Variants in COP1 observed in about 807,000 individuals in gnomAD.
COP1 encodes the protein E3 ubiquitin-protein ligase COP1.
In COP1, 24 loss-of-function variants were observed where a neutral mutation model predicts 101.3. The observed-to-expected ratio is 0.24, with a 90% CI of 0.17 to 0.33. The LOEUF is 0.33. COP1 is among the 10% of genes least tolerant of loss of function. The pLI, the probability that COP1 is intolerant of heterozygous loss-of-function variation, is 1.00. For synonymous variants in COP1, 347 were observed against 341.9 expected (o/e 1.01, Z -0.17); for missense variants, 663 against 906.2 (o/e 0.73, Z 3.45).
intron 15 of COP1, among the ~76,000 whole-genome samples, chr1:175,992,416 C>G (rs189037811): frequency 6.6e-6 from 1 of 152,282 alleles, no homozygotes; most frequent in Non-Finnish European, 1.5e-5. Flanking sequence ...GTGCAGCGCA[C>G]CGTGCGCGAG....
intron 1 of COP1, among the ~76,000 whole-genome samples, chr1:176,188,856 CACAG>C (rs1318253981): frequency 6.6e-6 from 1 of 151,698 alleles, no homozygotes; most frequent in African/African-American, 2.4e-5. Flanking sequence ...CACACACACA[CACAG>C]ACAGAGAACA....
intron 11 of COP1, among the ~76,000 whole-genome samples, chr1:176,051,909 T>C (rs1672637290): frequency 6.6e-6 from 1 of 151,834 alleles, no homozygotes. Context: ...TGCAAAAAAA[T>C]CACAAAGTCA....
At chr1:176,040,833 T>A (rs1289318655) in intron 14 of COP1, among the ~76,000 whole-genome samples, 1 of 152,160 alleles carries the variant, frequency 6.6e-6, no homozygotes, top group East Asian at 1.9e-4. Context: ...GCTAGAGCTA[T>A]CCTTGCCTAT....
chr1:176,053,241 CAA>C (rs1672881975), intron 11 of COP1, among the ~76,000 whole-genome samples: 5 of 152,138 alleles, frequency 3.3e-5, no homozygotes, highest in Admixed American at 3.3e-4. Context: ...ACTGCTTCCT[CAA>C]AGTCTTCCCA....
At chr1:176,006,663 G>T (rs1663314565) in intron 15 of COP1, among the ~76,000 whole-genome samples, 2 of 152,172 alleles carry the variant, frequency 1.3e-5, no homozygotes, top group South Asian at 2.1e-4. Context: ...CTTTAAGAAT[G>T]TTGAATATTG....
chr1:176,069,622 C>A (rs1676618848), intron 11 of COP1, among the ~76,000 whole-genome samples: 1 of 152,164 alleles, frequency 6.6e-6, no homozygotes, highest in Non-Finnish European at 1.5e-5. Flanking sequence ...TCCCTGACCA[C>A]CATCCCCAGA....
At chr1:176,050,764 C>T (rs567359159) in intron 11 of COP1, among the ~76,000 whole-genome samples, 2 of 152,296 alleles carry the variant, frequency 1.3e-5, no homozygotes, top group Non-Finnish European at 2.9e-5. Flanking sequence ...AACCACCTTA[C>T]ATAAATTATA....
Position 176,163,905 on chromosome 1 carries a change from CA to C in COP1, c.566-15del. The C allele has an allele frequency of 1.3e-6, 2 of 1,549,424 alleles. No homozygotes were observed. Among genetic ancestry groups the C allele is most frequent in the Non-Finnish European group, 1.8e-6 (2 of 1,133,974 alleles). On this transcript the variant is annotated splice_polypyrimidine_tract_variant and intron_variant, in intron 3 of 19. Coordinates refer to ENST00000367669, the MANE Select transcript of COP1 (RefSeq NM_022457.7). Reference sequence around the variant, plus strand: ...TGAGTTCATTCACTGAAAACAGAAACAAAATAAAAAGCACACATAATTTGTA... The same window carrying C: ...TGAGTTCATTCACTGAAAACAGAAACAAATAAAAAGCACACATAATTTGTA...
intron 15 of COP1, among the ~76,000 whole-genome samples, chr1:176,024,304 A>C (rs192247988): frequency 4.6e-5 from 7 of 152,310 alleles, no homozygotes; most frequent in Admixed American, 4.6e-4. Context: ...TTACTAACAC[A>C]GACACAAAAG....
At chr1:176,113,185 C>T (rs567466574) in intron 9 of COP1, among the ~76,000 whole-genome samples, 167 of 152,302 alleles carry the variant, frequency 1.1e-3, no homozygotes, top group Middle Eastern at 3.4e-3. Flanking sequence ...GGCATTCACT[C>T]TTTCTCCACG....
intron 11 of COP1, among the ~76,000 whole-genome samples, chr1:176,058,127 AGGTGGGGT>A (rs1466755654): frequency 5.0e-3 from 62 of 12,402 alleles, no homozygotes; most frequent in African/African-American, 7.1e-3. Context: ...GTCGGGAGGG[AGGTGGGGT>A]GGGGGGGGGG....
At chr1:176,192,538 C>G (rs1283576692) in intron 1 of COP1, among the ~76,000 whole-genome samples, 1 of 152,140 alleles carries the variant, frequency 6.6e-6, no homozygotes, top group Non-Finnish European at 1.5e-5. Flanking sequence ...ATTTTATTTC[C>G]AATTCCTAAA....
chr1:176,029,616 G>A (rs1408794345), intron 14 of COP1, among the ~76,000 whole-genome samples: 5 of 152,098 alleles, frequency 3.3e-5, no homozygotes, highest in Non-Finnish European at 7.4e-5. Flanking sequence ...AGAGGGTCCA[G>A]GTACTGTTGT....
chr1:176,108,349 T>C (rs1684691399), intron 9 of COP1, among the ~76,000 whole-genome samples: 2 of 152,206 alleles, frequency 1.3e-5, no homozygotes, highest in Non-Finnish European at 2.9e-5. Flanking sequence ...TCTGTAACTA[T>C]TCTATTATGG....
intron 9 of COP1, among the ~76,000 whole-genome samples, chr1:176,107,289 G>A (rs915204988): frequency 1.3e-5 from 2 of 151,958 alleles, no homozygotes; most frequent in African/African-American, 4.8e-5. Flanking sequence ...AGAACAATGA[G>A]CATACTTAAG....
chr1:176,129,163 T>A (rs1214156506), intron 8 of COP1, among the ~76,000 whole-genome samples: 1 of 151,898 alleles, frequency 6.6e-6, no homozygotes, highest in East Asian at 1.9e-4. Context: ...TAGATCACTA[T>A]CCTACATATA....
intron 11 of COP1, among the ~76,000 whole-genome samples, chr1:176,066,785 AAAAC>A (rs1317132879): frequency 6.6e-6 from 1 of 152,206 alleles, no homozygotes; most frequent in Non-Finnish European, 1.5e-5. Context: ...TTTTTTGAGA[AAAAC>A]AAAGATATTT....
At chr1:176,051,443 T>C (rs1439700511) in intron 11 of COP1, among the ~76,000 whole-genome samples, 2 of 152,234 alleles carry the variant, frequency 1.3e-5, no homozygotes, top group Admixed American at 1.3e-4. Context: ...AAACCTACCA[T>C]GCTGCCAGTT....
In COP1 at chr1:175,990,777, T is replaced by C. The variant is rs377610937; in HGVS notation, c.1730-1298A>G. On this transcript the variant is annotated intron_variant, in intron 15 of 19. Coordinates refer to ENST00000367669, the MANE Select transcript of COP1 (RefSeq NM_022457.7). ...CTAAGTATATTCTGTTCGACCTAAA[T>C]ATAGCCATTCTACCATTTTTCTTGA... Among the ~76,000 whole-genome samples the C allele has an allele frequency of 5.3e-4, 80 of 152,274 alleles. No individual in the cohort carries two copies. The South Asian group carries it at 0.016, about 30-fold the overall frequency.
Sources: gnomAD v4.1 joint callset for allele counts (sites outside exome capture counted in the v4.1 genomes callset) on GRCh38, gnomAD v4.1.1 for gene constraint, MANE v1.5 for transcripts, NCBI Gene and HGNC (gene_info 2026-07-23, HGNC 2026-07-21) for gene names.